The following BTBD9 variants were observed in gnomAD, a reference collection of about 807,000 sequenced individuals.
The protein encoded by BTBD9 is BTB/POZ domain-containing protein 9.
A neutral mutation model predicts 64.3 loss-of-function variants in BTBD9; 49 were observed. That is an observed-to-expected ratio of 0.76 (90% CI 0.61 to 0.97). The LOEUF (loss-of-function observed/expected upper bound fraction) is 0.97. Among genes scored for constraint, BTBD9 ranks in the 50% least tolerant of loss-of-function variants. BTBD9 has a pLI of 0.00. For missense variants in BTBD9, 598 were observed against 762.1 expected (o/e 0.78, Z 2.53); for synonymous variants, 260 against 274.7 (o/e 0.95, Z 0.53).
At chr6:38,230,287 G>T (rs767804495) in intron 9 of BTBD9, among the ~76,000 whole-genome samples, 7 of 152,108 alleles carry the variant, frequency 4.6e-5, no homozygotes, top group Non-Finnish European at 1.0e-4. Flanking sequence ...CTGAGGTCAG[G>T]AGTTCAAGAC....
chr6:38,454,194 T>C (rs1271285827), intron 6 of BTBD9, among the ~76,000 whole-genome samples: 2 of 152,184 alleles, frequency 1.3e-5, no homozygotes, highest in Non-Finnish European at 2.9e-5. Context: ...CTGATAAATG[T>C]TAACTCAATG....
chr6:38,545,364 T>C (rs905643336), intron 6 of BTBD9, among the ~76,000 whole-genome samples: 2 of 152,214 alleles, frequency 1.3e-5, no homozygotes, highest in African/African-American at 4.8e-5. Flanking sequence ...CGGCCATGAC[T>C]GGACAGTTTT....
chr6:38,430,927 A>C (rs1768415963), intron 6 of BTBD9, among the ~76,000 whole-genome samples: 1 of 151,888 alleles, frequency 6.6e-6, no homozygotes, highest in African/African-American at 2.4e-5. Context: ...GCGTCATTTG[A>C]TGTGGTTGAC....
chr6:38,179,131 G>A (rs1317193885), intron 10 of BTBD9, among the ~76,000 whole-genome samples: 6 of 152,122 alleles, frequency 3.9e-5, no homozygotes, highest in South Asian at 4.1e-4. Flanking sequence ...GATTACAGGC[G>A]TGAGCTACCA....
intron 10 of BTBD9, among the ~76,000 whole-genome samples, chr6:38,183,225 C>T (rs902337126): frequency 6.6e-6 from 1 of 152,202 alleles, no homozygotes; most frequent in Admixed American, 6.5e-5. Flanking sequence ...GATCTGCCCG[C>T]CTCGGCCTCC....
intron 1 of BTBD9, among the ~76,000 whole-genome samples, chr6:38,630,401 A>C (rs998585074): frequency 2.6e-5 from 4 of 152,360 alleles, no homozygotes; most frequent in African/African-American, 9.6e-5. Flanking sequence ...CAACGATAGT[A>C]TTTAATGATT....
chr6:38,379,414 A>G (rs1430428198), intron 6 of BTBD9, among the ~76,000 whole-genome samples: 1 of 152,226 alleles, frequency 6.6e-6, no homozygotes, highest in Non-Finnish European at 1.5e-5. Context: ...TAATCTGACA[A>G]ATCTTCTAGC....
intron 6 of BTBD9, among the ~76,000 whole-genome samples, chr6:38,544,245 G>A (rs993084291): frequency 4.6e-5 from 7 of 152,066 alleles, no homozygotes; most frequent in African/African-American, 1.7e-4. Context: ...ATATGTGTAG[G>A]TTATGTGCAA....
At chr6:38,476,922 A>C (rs780194305) in intron 6 of BTBD9, among the ~76,000 whole-genome samples, 6 of 152,256 alleles carry the variant, frequency 3.9e-5, no homozygotes, top group Non-Finnish European at 7.3e-5. Flanking sequence ...GGAGCTTTTA[A>C]ATAGAAACTT....
chr6:38,254,982 T>A (rs1420616546), intron 9 of BTBD9, among the ~76,000 whole-genome samples: 1 of 152,220 alleles, frequency 6.6e-6, no homozygotes, highest in Non-Finnish European at 1.5e-5. Context: ...GCAGCATTAT[T>A]CATGATAGCC....
At chr6:38,466,482 G>A (rs557483654) in intron 6 of BTBD9, among the ~76,000 whole-genome samples, 10 of 151,780 alleles carry the variant, frequency 6.6e-5, no homozygotes, top group African/African-American at 1.9e-4. Context: ...TAGTAGAGAC[G>A]GGGTTTCACC....
chr6:38,502,215 A>G (rs1772238871), intron 6 of BTBD9, among the ~76,000 whole-genome samples: 1 of 152,190 alleles, frequency 6.6e-6, no homozygotes. Flanking sequence ...AGATTCTATA[A>G]TTCTGTCTGA....
At chr6:38,613,820 T>C (rs1217134513) in intron 1 of BTBD9, among the ~76,000 whole-genome samples, 1 of 152,140 alleles carries the variant, frequency 6.6e-6, no homozygotes, top group African/African-American at 2.4e-5. Context: ...GCCCTGACTT[T>C]CCTATCAGCA....
intron 6 of BTBD9, among the ~76,000 whole-genome samples, chr6:38,497,310 T>C (rs1468774989): frequency 1.3e-5 from 2 of 152,170 alleles, no homozygotes; most frequent in African/African-American, 4.8e-5. Flanking sequence ...AGTTGCTGTA[T>C]ACGATCTAGT....
At chr6:38,443,548 C>T (rs1769138207) in intron 6 of BTBD9, among the ~76,000 whole-genome samples, 1 of 152,168 alleles carries the variant, frequency 6.6e-6, no homozygotes, top group South Asian at 2.1e-4. Context: ...ATAGCTTCTC[C>T]ACCATTCTCA....
chr6:38,577,132 G>GA (rs1776075451), intron 6 of BTBD9, among the ~76,000 whole-genome samples: 1 of 152,046 alleles, frequency 6.6e-6, no homozygotes, highest in Non-Finnish European at 1.5e-5. Context: ...TAACCTAAAG[G>GA]AAAAAACAGA....
intron 6 of BTBD9, among the ~76,000 whole-genome samples, chr6:38,516,512 A>G (rs1440096954): frequency 6.6e-6 from 1 of 152,240 alleles, no homozygotes; most frequent in Non-Finnish European, 1.5e-5. Context: ...ACCTGGTCGC[A>G]GACTCTGTCA....
rs1418620300 is a variant in BTBD9, at chr6:38,591,325, C to T, written c.814+1251G>A. Among the ~76,000 whole-genome samples, 4 of 152,178 alleles carry T rather than the reference C, an allele frequency of 2.6e-5. No homozygotes were observed. The East Asian group carries it at 7.7e-4, about 29-fold the overall frequency. On this transcript the variant is annotated intron_variant, in intron 4 of 10. Transcript: ENST00000481247. ...CTCATGATTCTTCCCATCTGAAATT[C>T]ACCCAACTCTTATACTATTCAAATC...
Position 38,580,254 on chromosome 6 carries a change from T to C in BTBD9, c.998A>G (p.Asn333Ser), listed in dbSNP as rs777432227. The C allele has an allele frequency of 6.8e-6, 11 of 1,614,262 alleles. No individual in the cohort carries two copies. The highest frequency in any genetic ancestry group is 1.7e-5 in the Admixed American group (1 of 60,030). ...EIKLGQPSII[N>S]HIRILLWDRD... ...GTCCCACAAGAGTATCCGTATGTGA[T>C]TGATAATGGATGGCTGACCTAGCTT... The change falls in exon 5 of 11, where the codon AAT (asparagine) becomes AGT (serine). Residue 333 changes from asparagine to serine, a missense_variant. Transcript: ENST00000481247.
Sources: gnomAD v4.1 joint callset for allele counts (sites outside exome capture counted in the v4.1 genomes callset) on GRCh38, gnomAD v4.1.1 for gene constraint, MANE v1.5 for transcripts, NCBI Gene and HGNC (gene_info 2026-07-23, HGNC 2026-07-21) for gene names.